NALCN: variants seen among roughly 807,000 people sequenced by gnomAD.
NALCN encodes the protein sodium leak channel NALCN.
A neutral mutation model predicts 225.3 loss-of-function variants in NALCN; 111 were observed. The ratio of observed to expected loss-of-function variants is 0.49; its 90% CI spans 0.42 to 0.58. The LOEUF is 0.58. NALCN is among the 20% of genes least tolerant of loss of function. The pLI is 0.00. For missense variants in NALCN, 1,378 were observed against 2,202.4 expected, an observed-to-expected ratio of 0.63 and a Z score of 7.49; for synonymous variants, 764 against 769.0, an observed-to-expected ratio of 0.99 and a Z score of 0.11.
intron 13 of NALCN, among the ~76,000 whole-genome samples, chr13:101,213,079 G>A (rs1478496168): frequency 1.3e-5 from 2 of 152,086 alleles, no homozygotes; most frequent in African/African-American, 2.4e-5. Flanking sequence ...AAACAGCATG[G>A]TACTGGTACC....
intron 14 of NALCN, among the ~76,000 whole-genome samples, chr13:101,178,346 T>C (rs9518334): frequency 0.52 from 79,208 of 151,974 alleles, 21,182 homozygotes; most frequent in East Asian, 0.69. Flanking sequence ...AGTACAAACA[T>C]GAATCTAAAA....
chr13:101,289,894 C>G (rs1235812393), intron 9 of NALCN, among the ~76,000 whole-genome samples: 4 of 152,144 alleles, frequency 2.6e-5, no homozygotes, highest in African/African-American at 7.2e-5. Context: ...ATAAAAGCAT[C>G]AGAGGGCCCA....
At chr13:101,091,243 C>T (rs2034216282) in intron 28 of NALCN, among the ~76,000 whole-genome samples, 1 of 152,134 alleles carries the variant, frequency 6.6e-6, no homozygotes, top group South Asian at 2.1e-4. Context: ...CTAGAGTAGG[C>T]CCCTTGGAGC....
At chr13:101,189,121 T>C (rs2039575712) in intron 14 of NALCN, among the ~76,000 whole-genome samples, 1 of 152,206 alleles carries the variant, frequency 6.6e-6, no homozygotes, top group Non-Finnish European at 1.5e-5. Flanking sequence ...TGTGTATAGT[T>C]TAATTGTTTT....
chr13:101,247,013 C>T (rs1283673804), intron 11 of NALCN, among the ~76,000 whole-genome samples: 4 of 152,114 alleles, frequency 2.6e-5, no homozygotes, highest in South Asian at 2.1e-4. Context: ...GAATTCTAAA[C>T]GAGGTTAACC....
At chr13:101,399,236 T>C in intron 1 of NALCN, 71 bp from the exon 2 acceptor site, 7 of 1,013,682 alleles carry the variant, frequency 6.9e-6, no homozygotes, top group Non-Finnish European at 1.0e-5. Flanking sequence ...GTTCCCCACA[T>C]ATATCTACTT....
chr13:101,166,954 T>A (rs1338594585), intron 15 of NALCN, among the ~76,000 whole-genome samples: 1 of 152,198 alleles, frequency 6.6e-6, no homozygotes, highest in African/African-American at 2.4e-5. Flanking sequence ...TTTTTCAACA[T>A]CATTTGTTGA....
intron 7 of NALCN, among the ~76,000 whole-genome samples, chr13:101,333,778 G>A (rs1028806329): frequency 6.6e-6 from 1 of 152,130 alleles, no homozygotes; most frequent in African/African-American, 2.4e-5. Flanking sequence ...GAGTGTCCAG[G>A]GAATTATGTT....
intron 7 of NALCN, 64 bp downstream of exon 7, chr13:101,345,202 T>C: frequency 6.7e-7 from 1 of 1,495,086 alleles, no homozygotes; most frequent in Non-Finnish European, 9.1e-7. Context: ...TATTTAATTA[T>C]TCTGTCCACT....
chr13:101,294,787 T>C (rs1331724175), intron 7 of NALCN, among the ~76,000 whole-genome samples: 1 of 152,134 alleles, frequency 6.6e-6, no homozygotes, highest in African/African-American at 2.4e-5. Flanking sequence ...AAGTACAGTA[T>C]ACAGAGATAA....
rs79854287 is a variant in NALCN, at chr13:101,195,275, T to C, written c.1627-3221A>G. On this transcript the variant is annotated intron_variant, in intron 13 of 43. Transcript: ENST00000251127. ...CCTGTTGACCATTTTATTTTCTTTA[T>C]TGGTTTCCACCAACTCTTTACAAAT... 2.4e-3 allele frequency among the ~76,000 whole-genome samples: 363 copies of C among 152,358 alleles called. 8 individuals are homozygous for C. The East Asian group carries it at 0.062, about 26-fold the overall frequency.
At chr13:101,300,421 CT>C (rs913988713) in intron 7 of NALCN, among the ~76,000 whole-genome samples, 7 of 94,758 alleles carry the variant, frequency 7.4e-5, no homozygotes, top group East Asian at 2.9e-4. Context: ...CTTTCTTTCT[CT>C]TTTTTTTCTC....
intron 15 of NALCN, among the ~76,000 whole-genome samples, chr13:101,148,932 G>A (rs1202748624): frequency 1.4e-5 from 1 of 72,226 alleles, no homozygotes; most frequent in African/African-American, 4.8e-5. Flanking sequence ...TTAGACTCCT[G>A]TGTCGTTTAA....
intron 17 of NALCN, among the ~76,000 whole-genome samples, chr13:101,133,340 T>G (rs2139740135): frequency 6.6e-6 from 1 of 152,334 alleles, no homozygotes; most frequent in Non-Finnish European, 1.5e-5. Flanking sequence ...TGGCTCCATT[T>G]TTCTTTTCTC....
Position 101,081,610 on chromosome 13 carries a change from A to G in NALCN, c.3802T>C (p.Phe1268Leu). The G allele has an allele frequency of 1.2e-6, 2 of 1,614,180 alleles. No individual in the cohort carries two copies. Among genetic ancestry groups the G allele is most frequent in the South Asian group, 1.1e-5 (1 of 91,088 alleles). Reference protein sequence around the residue: ...MKIIAMSPAGFWQSRRNRYDL... With the variant: ...MKIIAMSPAGLWQSRRNRYDL... ...TATCGGTTTCTTCTGCTTTGCCAGA[A>G]GCCAGCAGGCGACATTGCTATGATC... Residue 1268 changes from phenylalanine (F) to leucine (L), a missense_variant, in exon 34 of 44, where the codon TTC (phenylalanine) becomes CTC (leucine). This residue lies in a region of NALCN where 98 missense variants were observed against 156.6 expected (regional missense o/e 0.63). Coordinates refer to ENST00000251127, the MANE Select transcript of NALCN (RefSeq NM_052867.4).
At chr13:101,065,048 G>GCAAGT (rs1288589404) in intron 40 of NALCN, among the ~76,000 whole-genome samples, 1 of 152,194 alleles carries the variant, frequency 6.6e-6, no homozygotes, top group Non-Finnish European at 1.5e-5. Context: ...GTAACCGCAA[G>GCAAGT]CAAGTCACTC....
intron 10 of NALCN, among the ~76,000 whole-genome samples, chr13:101,272,788 A>G (rs143331954): frequency 1.3e-3 from 197 of 152,306 alleles, no homozygotes; most frequent in Admixed American, 3.1e-3. Context: ...CATGGGCTCC[A>G]TCAATTCTTG....
intron 14 of NALCN, among the ~76,000 whole-genome samples, chr13:101,179,342 A>C (rs544022420): frequency 1.3e-3 from 192 of 152,326 alleles, no homozygotes; most frequent in African/African-American, 4.4e-3. Context: ...TCCCCGAGCA[A>C]CCCTGACATG....
intron 10 of NALCN, among the ~76,000 whole-genome samples, chr13:101,270,194 T>C (rs1299676247): frequency 6.6e-6 from 1 of 152,216 alleles, no homozygotes; most frequent in Non-Finnish European, 1.5e-5. Flanking sequence ...GGTGCTTTCT[T>C]AGTTACCTGT....
Sources: allele counts gnomAD v4.1 joint callset (sites outside exome capture counted in the v4.1 genomes callset), GRCh38; gene constraint gnomAD v4.1.1; regional missense constraint gnomAD v4.1.1; transcripts MANE v1.5; gene names NCBI Gene and HGNC (gene_info 2026-07-23, HGNC 2026-07-21).